IVD: variants seen among roughly 807,000 people sequenced by gnomAD.
IVD encodes the protein isovaleryl-CoA dehydrogenase, mitochondrial.
In IVD, 31 loss-of-function variants were observed where a neutral mutation model predicts 51.3. The observed-to-expected ratio is 0.60, with a 90% confidence interval of 0.45 to 0.81. The LOEUF is 0.81. Among genes scored for constraint, IVD ranks in the 40% least tolerant of loss-of-function variants. The probability of loss-of-function intolerance (pLI) is 0.00; values close to 1 mark genes in which losing one functional copy is unlikely to be tolerated. For synonymous variants in IVD, 205 were observed against 219.4 expected (o/e 0.93, Z 0.58); for missense variants, 475 against 552.0 (o/e 0.86, Z 1.40).
downstream of IVD, chr15:40,424,353 T>G: frequency 2.5e-6 from 1 of 393,896 alleles, no homozygotes; most frequent in Non-Finnish European, 4.4e-6. Flanking sequence ...CTCATCCCTG[T>G]GCCTTTGGTC....
At chr15:40,414,215 G>A (rs1050170922) in intron 7 of IVD, among the ~76,000 whole-genome samples, 6 of 152,184 alleles carry the variant, frequency 3.9e-5, no homozygotes, top group African/African-American at 1.4e-4. Context: ...CATATACCAC[G>A]CCTATCACTG....
intron 11 of IVD, 119 bp from the exon 12 acceptor site, chr15:40,418,011 G>C: frequency 7.0e-7 from 1 of 1,433,620 alleles, no homozygotes; most frequent in Non-Finnish European, 9.5e-7. Flanking sequence ...GCTACCTTTT[G>C]CTGCTTTTCT....
chr15:40,421,707 T>C (rs1892313327), downstream of IVD, among the ~76,000 whole-genome samples: 1 of 152,226 alleles, frequency 6.6e-6, no homozygotes, highest in Non-Finnish European at 1.5e-5. Context: ...CCCAGGAGCC[T>C]AAGTCCTAAT....
rs1339322452 is a variant in IVD, at chr15:40,412,917, C to A, written c.688-74C>A. 38 of 1,227,064 alleles carry A rather than the reference C, an allele frequency of 3.1e-5. No individual in the cohort carries two copies. The East Asian group carries it at 8.8e-4, about 28-fold the overall frequency. 76.0% of individuals were successfully genotyped at this position (1,227,064 alleles called of 1,614,324 possible). A position where few individuals can be genotyped will look rare whatever the true frequency, so the allele number is the denominator to read the frequency against. On this transcript the variant is annotated intron_variant, in intron 6 of 11. Transcript: ENST00000487418. ...TCAATAGGAAGGTGAGTGCCTTCTTCCCAGAGGCCTTTCCTTTACCAGGCC... is the reference window on the plus strand; with the variant it reads ...TCAATAGGAAGGTGAGTGCCTTCTTACCAGAGGCCTTTCCTTTACCAGGCC...
Position 40,415,382 on chromosome 15 carries a change from C to A in IVD, c.879-19C>A, listed in dbSNP as rs375250023. ...GTGGGATGAGGAGGTGCCCACGGGG[C>A]CTTTCTCCTTTCTGACAGGCTCATG... On this transcript the variant is annotated intron_variant, in intron 8 of 11. Transcript: ENST00000487418. The A allele has an allele frequency of 3.1e-6, 5 of 1,608,660 alleles. No individual in the cohort carries two copies. The South Asian group carries it at 5.5e-5, about 18-fold the overall frequency.
At position 40,418,537 on chromosome 15, in the gene IVD, C is replaced by G. The variant is rs1381577384; in HGVS notation, c.*274C>G. 8.0e-7 allele frequency: 1 copy of G among 1,255,802 alleles called. No homozygotes were observed. Among genetic ancestry groups the G allele is most frequent in the Non-Finnish European group, 1.0e-6 (1 of 985,416 alleles). The allele number at this position is 1,255,802 out of a possible 1,614,324, so 77.8% of individuals were successfully genotyped here. On this transcript the variant is annotated 3_prime_UTR_variant, in exon 12 of 12. Coordinates refer to ENST00000487418, the MANE Select transcript of IVD (RefSeq NM_002225.5). ...ATTGTTGGGACAGGTTTTGGTGACT[C>G]TGTGCCCTTGCTCTCTAACTTCTGA...
At chr15:40,427,405 G>A (rs1162558553), downstream of IVD, among the ~76,000 whole-genome samples, 1 of 152,258 alleles carries the variant, frequency 6.6e-6, no homozygotes, top group East Asian at 1.9e-4. Context: ...GCAGCTGCTT[G>A]TGGGAGATAA....
intron 11 of IVD, among the ~76,000 whole-genome samples, chr15:40,417,206 G>GAA (rs748314280): frequency 5.3e-5 from 5 of 95,166 alleles, no homozygotes; most frequent in East Asian, 6.3e-4. Context: ...CTCCGTCTCG[G>GAA]AAAAAAAAAA....
intron 9 of IVD, among the ~76,000 whole-genome samples, chr15:40,415,876 G>T (rs1307033225): frequency 1.3e-5 from 2 of 152,224 alleles, no homozygotes; most frequent in Admixed American, 6.5e-5. Flanking sequence ...GCCACTTCGG[G>T]GTGTCATGCG....
chr15:40,425,440 C>CTATATATA (rs72252183), downstream of IVD, among the ~76,000 whole-genome samples: 812 of 137,802 alleles, frequency 5.9e-3, 2 homozygotes, highest in South Asian at 8.2e-3. Context: ...TGGACTCATA[C>CTATATATA]TATATATATA....
Position 40,411,613 on chromosome 15 carries a change from C to T in IVD, c.609C>T (p.Asp203=), listed in dbSNP as rs563452741. 1.8e-5 allele frequency: 29 copies of T among 1,614,072 alleles called. No homozygotes were observed. The South Asian group carries it at 1.9e-4, about 10-fold the overall frequency. The change falls in exon 6 of 12, where the codon GAC becomes GAT. Residue 203 remains aspartate (D), a synonymous_variant. Coordinates refer to ENST00000487418, the MANE Select transcript of IVD (RefSeq NM_002225.5). Reference sequence around the variant, plus strand: ...GGATCACTAATGGCCCTGATGCTGACGTCCTGATTGTCTATGCCAAGACAG... The same window carrying T: ...GGATCACTAATGGCCCTGATGCTGATGTCCTGATTGTCTATGCCAAGACAG... The part of the protein sequence containing the change: ...KFWITNGPDA[D]VLIVYAKTDL...
chr15:40,415,861 T>C (rs544073093), intron 9 of IVD, among the ~76,000 whole-genome samples: 5 of 152,358 alleles, frequency 3.3e-5, no homozygotes, highest in Admixed American at 1.3e-4. Context: ...TCGGAGGCAG[T>C]GATGGCCACT....
chr15:40,418,921 T>A lies in IVD; in HGVS notation c.*658T>A, dbSNP rs191997379. 9 of 511,068 alleles carry A rather than the reference T, an allele frequency of 1.8e-5. No individual in the cohort carries two copies. The East Asian group carries it at 6.4e-4, about 36-fold the overall frequency. The allele number at this position is 511,068 out of a possible 1,614,324, so 31.7% of individuals were successfully genotyped here. ...GCTGAGATGGGTGGATCACCTGAGG[T>A]CAGGAGTTCAAGACCAGCCTGGCCA... is the stretch of plus-strand genomic sequence containing the variant. On this transcript the variant is annotated 3_prime_UTR_variant, in exon 12 of 12. Transcript: ENST00000487418.
chr15:40,415,730 C>T (rs1031216491), intron 9 of IVD, among the ~76,000 whole-genome samples: 4 of 152,174 alleles, frequency 2.6e-5, no homozygotes, highest in South Asian at 4.1e-4. Flanking sequence ...GAGAGCAAAG[C>T]GTGCAAGTTG....
Position 40,419,236 on chromosome 15 carries a change from C to G in IVD, c.*973C>G. ...GAACACATATGCTTGCTTGGCCAGG[C>G]AAGGTGGTGTGTGCCTGTAATCCCA... On this transcript the variant is annotated 3_prime_UTR_variant, in exon 12 of 12. Transcript: ENST00000487418. 5.4e-6 allele frequency: 7 copies of G among 1,289,304 alleles called. No homozygotes were observed. The highest frequency in any genetic ancestry group is 1.5e-5 in the African/African-American group (1 of 65,976). The allele number at this position is 1,289,304 out of a possible 1,614,324, so 79.9% of individuals were successfully genotyped here.
chr15:40,416,495 A>C (rs1891698232), intron 11 of IVD, 133 bp downstream of exon 11: 1 of 777,518 alleles, frequency 1.3e-6, no homozygotes, highest in Non-Finnish European at 2.2e-6. Flanking sequence ...CGAGGTAGGC[A>C]GATCACCTGA....
chr15:40,435,636 GC>G, downstream of IVD: 3 of 1,066,650 alleles, frequency 2.8e-6, no homozygotes, highest in Non-Finnish European at 3.5e-6. Flanking sequence ...TTGGGACAGA[GC>G]TCCTTGGCAG....
At chr15:40,414,051 G>T (rs1286435463) in intron 7 of IVD, among the ~76,000 whole-genome samples, 1 of 152,110 alleles carries the variant, frequency 6.6e-6, no homozygotes, top group Non-Finnish European at 1.5e-5. Flanking sequence ...GACAGATGGG[G>T]TTTCACCATG....
At chr15:40,433,579 C>T (rs1164380832) in intron 7 of IVD, among the ~76,000 whole-genome samples, 2 of 152,160 alleles carry the variant, frequency 1.3e-5, no homozygotes, top group Non-Finnish European at 2.9e-5. Context: ...TCTGAGCGGA[C>T]AAGTGTTCTG....
Sources: gnomAD v4.1 joint callset for allele counts (sites outside exome capture counted in the v4.1 genomes callset) on GRCh38, gnomAD v4.1.1 for gene constraint, MANE v1.5 for transcripts, NCBI Gene and HGNC (gene_info 2026-07-23, HGNC 2026-07-21) for gene names.